Variants in KCNH8 observed in about 807,000 individuals in gnomAD.
KCNH8 encodes the protein potassium voltage-gated channel subfamily H member 8.
In KCNH8, 70 loss-of-function variants were observed where a neutral mutation model predicts 103.6. The ratio of observed to expected loss-of-function variants is 0.68; its 90% confidence interval spans 0.56 to 0.82. The LOEUF is 0.82. KCNH8 is among the 40% of genes least tolerant of loss of function. The probability of loss-of-function intolerance (pLI) is 0.00; values close to 1 mark genes in which losing one functional copy is unlikely to be tolerated. For synonymous variants in KCNH8, 498 were observed against 489.4 expected, an observed-to-expected ratio of 1.02 and a Z score of -0.23; for missense variants, 1,217 against 1,329.9, an observed-to-expected ratio of 0.92 and a Z score of 1.32.
chr3:19,470,817 A>G (rs1024770423), intron 11 of KCNH8, among the ~76,000 whole-genome samples: 8 of 152,182 alleles, frequency 5.3e-5, no homozygotes, highest in African/African-American at 1.9e-4. Flanking sequence ...TATCTCAGCA[A>G]CATTTTCACA....
intron 11 of KCNH8, among the ~76,000 whole-genome samples, chr3:19,506,515 G>A (rs2068696203): frequency 1.3e-5 from 2 of 152,174 alleles, no homozygotes; most frequent in African/African-American, 4.8e-5. Flanking sequence ...GCTTGACCAT[G>A]TGGCTCCTCT....
intron 1 of KCNH8, among the ~76,000 whole-genome samples, chr3:19,232,154 A>C (rs1559433705): frequency 6.6e-6 from 1 of 152,206 alleles, no homozygotes; most frequent in Non-Finnish European, 1.5e-5. Context: ...TCAGGATCAC[A>C]TGGAAGCCTC....
chr3:19,203,985 G>C (rs2063688406), intron 1 of KCNH8, among the ~76,000 whole-genome samples: 1 of 151,986 alleles, frequency 6.6e-6, no homozygotes, highest in Non-Finnish European at 1.5e-5. Context: ...ATTTCATTTT[G>C]AGAATAGGTA....
At chr3:19,337,947 G>A (rs2065605946) in intron 3 of KCNH8, among the ~76,000 whole-genome samples, 1 of 151,602 alleles carries the variant, frequency 6.6e-6, no homozygotes, top group African/African-American at 2.4e-5. Context: ...AGAAGAGGGT[G>A]AGGGAGACAG....
intron 7 of KCNH8, among the ~76,000 whole-genome samples, chr3:19,414,614 T>C (rs921396247): frequency 1.3e-5 from 2 of 151,994 alleles, no homozygotes; most frequent in African/African-American, 2.4e-5. Context: ...ATAAACCCAA[T>C]GAGTAGTAAA....
intron 1 of KCNH8, among the ~76,000 whole-genome samples, chr3:19,242,871 G>A (rs1297231156): frequency 2.0e-5 from 3 of 152,144 alleles, no homozygotes; most frequent in African/African-American, 4.8e-5. Flanking sequence ...TTGAGAAACC[G>A]TGGGTTTGGT....
intron 11 of KCNH8, among the ~76,000 whole-genome samples, chr3:19,500,215 G>A (rs374916410): frequency 6.6e-6 from 1 of 152,106 alleles, no homozygotes; most frequent in African/African-American, 2.4e-5. Context: ...ATGGTAAAGG[G>A]ATCAATTCAA....
At chr3:19,334,601 C>G (rs1312816589) in intron 3 of KCNH8, among the ~76,000 whole-genome samples, 2 of 150,758 alleles carry the variant, frequency 1.3e-5, no homozygotes, top group African/African-American at 4.9e-5. Flanking sequence ...AGTCCAGTCT[C>G]ATGTTCATTG....
At chr3:19,219,740 G>C (rs1297340663) in intron 1 of KCNH8, among the ~76,000 whole-genome samples, 1 of 152,106 alleles carries the variant, frequency 6.6e-6, no homozygotes, top group Non-Finnish European at 1.5e-5. Context: ...TCTTCCTACA[G>C]AGTGGAACCA....
chr3:19,273,485 A>G (rs1265186198), intron 2 of KCNH8, among the ~76,000 whole-genome samples: 1 of 152,160 alleles, frequency 6.6e-6, no homozygotes, highest in Non-Finnish European at 1.5e-5. Context: ...TAAGTCAGAC[A>G]TTAATTGGGG....
chr3:19,502,975 T>A (rs1237550840), intron 11 of KCNH8, among the ~76,000 whole-genome samples: 1 of 151,722 alleles, frequency 6.6e-6, no homozygotes, highest in Non-Finnish European at 1.5e-5. Flanking sequence ...GAAACTACCA[T>A]CAGAGTGAAC....
chr3:19,460,197 C>A (rs1352025305), intron 11 of KCNH8, among the ~76,000 whole-genome samples: 1 of 152,102 alleles, frequency 6.6e-6, no homozygotes, highest in East Asian at 1.9e-4. Flanking sequence ...ATTTTGCCCT[C>A]AATCCTGAGG....
At chr3:19,177,057 C>CA (rs549037435) in intron 1 of KCNH8, among the ~76,000 whole-genome samples, 45 of 152,134 alleles carry the variant, frequency 3.0e-4, no homozygotes, top group Non-Finnish European at 6.0e-4. Context: ...AGTCACATCA[C>CA]AGTCTTGCTC....
chr3:19,168,061 A>C (rs956137888), intron 1 of KCNH8, among the ~76,000 whole-genome samples: 1 of 148,922 alleles, frequency 6.7e-6, no homozygotes, highest in African/African-American at 2.5e-5. Context: ...CCCAGGCTGG[A>C]GTGCAGTGGC....
At chr3:19,307,758 G>C (rs376759757) in intron 3 of KCNH8, among the ~76,000 whole-genome samples, 9 of 151,870 alleles carry the variant, frequency 5.9e-5, no homozygotes, top group Non-Finnish European at 1.3e-4. Context: ...CAACGTGGTT[G>C]GAACTGAAAG....
At chr3:19,166,206 A>T (rs1324874686) in intron 1 of KCNH8, among the ~76,000 whole-genome samples, 1 of 152,196 alleles carries the variant, frequency 6.6e-6, no homozygotes, top group African/African-American at 2.4e-5. Context: ...AAGGTTAGAC[A>T]TCTTTTTTTG....
intron 1 of KCNH8, among the ~76,000 whole-genome samples, chr3:19,197,426 T>A (rs1375895323): frequency 6.6e-6 from 1 of 152,122 alleles, no homozygotes; most frequent in African/African-American, 2.4e-5. Flanking sequence ...CAAATCTATC[T>A]GGCATTGGAG....
intron 8 of KCNH8, among the ~76,000 whole-genome samples, chr3:19,445,461 AT>A (rs1425198685): frequency 2.0e-5 from 3 of 151,902 alleles, no homozygotes; most frequent in African/African-American, 7.2e-5. Flanking sequence ...CATTTAGCAA[AT>A]GTGTAACTTG....
In KCNH8 at chr3:19,232,626, G is replaced by A. The variant is rs188083660; in HGVS notation, c.77-21028G>A. Among the ~76,000 whole-genome samples the A allele has an allele frequency of 3.2e-3, 492 of 152,284 alleles. 2 individuals are homozygous for A. Among genetic ancestry groups the A allele is most frequent in the Middle Eastern group, 0.01 (3 of 294 alleles). The stretch of plus-strand genomic sequence containing the variant: ...CCTTGAGTGGATCCTGGGGTGCAAG[G>A]TTAGTCACTGGCACACTGTTTCCCG... On this transcript the variant is annotated intron_variant, in intron 1 of 15. Transcript: ENST00000328405.
Sources: allele counts gnomAD v4.1 joint callset (sites outside exome capture counted in the v4.1 genomes callset), GRCh38; gene constraint gnomAD v4.1.1; transcripts MANE v1.5; gene names NCBI Gene and HGNC (gene_info 2026-07-23, HGNC 2026-07-21).